Variants in SLC44A1 observed in about 807,000 individuals in gnomAD.
The protein encoded by SLC44A1 is solute carrier family 44 member 1.
SLC44A1 carries 26 observed loss-of-function variants against 79.3 expected under a neutral mutation model. That is an observed-to-expected ratio of 0.33 (90% CI 0.24 to 0.46). The LOEUF (loss-of-function observed/expected upper bound fraction) is 0.46. Among genes scored for constraint, SLC44A1 ranks in the 20% least tolerant of loss-of-function variants. The probability of loss-of-function intolerance (pLI) is 1.00; values close to 1 mark genes in which losing one functional copy is unlikely to be tolerated. For missense variants in SLC44A1, 688 were observed against 798.1 expected (o/e 0.86, Z 1.66); for synonymous variants, 263 against 286.2 (o/e 0.92, Z 0.82).
In SLC44A1 at chr9:105,395,246, G is replaced by A. The variant is rs1828852863; in HGVS notation, c.*6190G>A. The A allele has an allele frequency of 3.2e-6, 3 of 945,106 alleles. No individual in the cohort carries two copies. Among genetic ancestry groups the A allele is most frequent in the Non-Finnish European group, 3.8e-6 (3 of 793,564 alleles). 58.5% of individuals were successfully genotyped at this position (945,106 alleles called of 1,614,324 possible). On this transcript the variant is annotated 3_prime_UTR_variant, in exon 16 of 16. Transcript: ENST00000374720. Reference sequence around the variant, plus strand: ...GTTTTTGGTGTTTTTTTGAGACGGAGTCTCGCTCTATCGCCAGCTTAGAGT... The same window carrying A: ...GTTTTTGGTGTTTTTTTGAGACGGAATCTCGCTCTATCGCCAGCTTAGAGT...
chr9:105,403,575 C>T (rs1828985573), intron 15 of SLC44A1, among the ~76,000 whole-genome samples: 1 of 150,262 alleles, frequency 6.7e-6, no homozygotes, highest in African/African-American at 2.5e-5. Context: ...GAATAAGAGA[C>T]CCAGCCTCTG....
At chr9:105,330,844 C>T (rs1259193258) in intron 3 of SLC44A1, among the ~76,000 whole-genome samples, 1 of 152,222 alleles carries the variant, frequency 6.6e-6, no homozygotes, top group Admixed American at 6.5e-5. Context: ...TACCAGCTGT[C>T]CTCTGTAATG....
rs1564050042 is a variant in SLC44A1, at chr9:105,394,693, G to A, written c.*5637G>A. ...AACATGTCCAGTTCCAACAACAGTT[G>A]AAGATGATGATAAATTAGCAAACTC... On this transcript the variant is annotated 3_prime_UTR_variant, in exon 16 of 16. Coordinates refer to ENST00000374720, the MANE Select transcript of SLC44A1 (RefSeq NM_080546.5). 1 of 985,272 alleles carries A rather than the reference G, an allele frequency of 1.0e-6. No homozygotes were observed. The highest frequency in any genetic ancestry group is 1.2e-6 in the Non-Finnish European group (1 of 829,926). The allele number at this position is 985,272 out of a possible 1,614,324, so 61.0% of individuals were successfully genotyped here.
chr9:105,373,198 G>T (rs1828167776), intron 12 of SLC44A1, among the ~76,000 whole-genome samples: 1 of 152,154 alleles, frequency 6.6e-6, no homozygotes, highest in African/African-American at 2.4e-5. Flanking sequence ...ACAGTATAAA[G>T]TAAGCCCTTT....
intron 1 of SLC44A1, among the ~76,000 whole-genome samples, chr9:105,264,204 C>G (rs563679113): frequency 6.6e-6 from 1 of 152,192 alleles, no homozygotes; most frequent in African/African-American, 2.4e-5. Flanking sequence ...TACTCTGTCA[C>G]CCAGGCTGGA....
At chr9:105,309,955 A>T (rs1401331588) in intron 3 of SLC44A1, 89 bp downstream of exon 3, 2 of 1,302,308 alleles carry the variant, frequency 1.5e-6, no homozygotes, top group African/African-American at 3.0e-5. Context: ...TAAAGATAAT[A>T]TCTTACCAAA....
intron 15 of SLC44A1, among the ~76,000 whole-genome samples, chr9:105,430,762 G>T: frequency 6.6e-6 from 1 of 152,106 alleles, no homozygotes; most frequent in East Asian, 1.9e-4. Context: ...GCGGACATAC[G>T]TTTTCAATTT....
chr9:105,278,075 T>C (rs2131245857), intron 1 of SLC44A1, among the ~76,000 whole-genome samples: 1 of 152,168 alleles, frequency 6.6e-6, no homozygotes, highest in Non-Finnish European at 1.5e-5. Context: ...TCTTTTTTTT[T>C]TTTTAAGACA....
At position 105,309,820 on chromosome 9, in the gene SLC44A1, A is replaced by C. The variant is rs368046201; in HGVS notation, c.223A>C (p.Lys75Gln). 8.7e-6 allele frequency: 14 copies of C among 1,613,912 alleles called. No individual in the cohort carries two copies. The highest frequency in any genetic ancestry group is 1.7e-4 in the Middle Eastern group (1 of 6,060). The change falls in exon 3 of 16, where the codon AAG becomes CAG. Residue 75 changes from lysine to glutamine, a missense_variant. Lys to Gln is a moderately conservative substitution (Grantham distance 53). Coordinates refer to ENST00000374720, the MANE Select transcript of SLC44A1 (RefSeq NM_080546.5). Reference sequence around the variant, plus strand: ...AAATATCTGTGGGCAGAAAAATACAAAGTTGGAAGCAATACCAAACAGTGG... The same window carrying C: ...AAATATCTGTGGGCAGAAAAATACACAGTTGGAAGCAATACCAAACAGTGG... ...YGNICGQKNTKLEAIPNSGMD... is the reference protein window; with the variant it reads ...YGNICGQKNTQLEAIPNSGMD...
At chr9:105,381,696 A>G (rs757772517) in intron 13 of SLC44A1, among the ~76,000 whole-genome samples, 7 of 152,262 alleles carry the variant, frequency 4.6e-5, no homozygotes, top group African/African-American at 1.7e-4. Flanking sequence ...GAGAAGATTC[A>G]TAAGTGTGTT....
rs1471151637 is a variant in SLC44A1, at chr9:105,362,950, G to T, written c.1030G>T (p.Ala344Ser). ...LVFQPFWTFF[A>S]LVLFWVYWIM... ...CTTCCAACCCTTCTGGACTTTCTTT[G>T]CTCTTGTCTTGTTTTGGGTGTACTG... The change falls in exon 9 of 16, where the codon GCT (alanine) becomes TCT (serine). Residue 344 changes from alanine (A) to serine (S), a missense_variant. Physicochemically the swap from Ala to Ser is moderately conservative, Grantham distance 99 (BLOSUM62 1). Transcript: ENST00000374720. 1.2e-6 allele frequency: 2 copies of T among 1,613,650 alleles called. No homozygotes were observed. The highest frequency in any genetic ancestry group is 1.7e-6 in the Non-Finnish European group (2 of 1,179,896).
intron 6 of SLC44A1, among the ~76,000 whole-genome samples, chr9:105,356,836 CA>C (rs2131400302): frequency 6.6e-6 from 1 of 152,072 alleles, no homozygotes; most frequent in African/African-American, 2.4e-5. Context: ...TGCATAGTAT[CA>C]GTGTATTGCT....
At position 105,393,929 on chromosome 9, in the gene SLC44A1, A is replaced by G. The variant is rs7039997; in HGVS notation, c.*4873A>G. On this transcript the variant is annotated 3_prime_UTR_variant, in exon 16 of 16. Coordinates refer to ENST00000374720, the MANE Select transcript of SLC44A1 (RefSeq NM_080546.5). ...GAACATGGAAACATTGTAATTTACA[A>G]ATGTCTCAGAAATTTCTCACTTTTA... 2.8e-3 allele frequency: 2,730 copies of G among 984,392 alleles called. 51 individuals carry two copies. In the African/African-American group the frequency reaches 0.044, roughly 16 times the overall value. The allele number at this position is 984,392 out of a possible 1,614,324, so 61.0% of individuals were successfully genotyped here.
intron 1 of SLC44A1, among the ~76,000 whole-genome samples, chr9:105,276,614 G>GTGTGTA (rs1554785753): frequency 1.5e-5 from 2 of 136,046 alleles, no homozygotes; most frequent in African/African-American, 6.1e-5. Flanking sequence ...GTGTGTGTGT[G>GTGTGTA]TGTGTATGTG....
At chr9:105,322,245 A>T (rs550559152) in intron 3 of SLC44A1, among the ~76,000 whole-genome samples, 2 of 152,202 alleles carry the variant, frequency 1.3e-5, no homozygotes, top group African/African-American at 4.8e-5. Context: ...CATGGGTTGG[A>T]TATAAGACAA....
chr9:105,421,671 T>C (rs1298264927), intron 15 of SLC44A1, among the ~76,000 whole-genome samples: 2 of 148,858 alleles, frequency 1.3e-5, no homozygotes, highest in Non-Finnish European at 3.0e-5. Flanking sequence ...CACTGCAAGC[T>C]CCGCTTCCTG....
Position 105,327,722 on chromosome 9 carries a change from C to A in SLC44A1, c.270-7841C>A, listed in dbSNP as rs186853110. On this transcript the variant is annotated intron_variant, in intron 3 of 15. Transcript: ENST00000374720. ...CTGCGCTGTTCCTACCCCCTTTCAT[C>A]CACACTGGTTAACTCTTACTCATTC... is the stretch of plus-strand genomic sequence containing the variant. 4.9e-4 allele frequency among the ~76,000 whole-genome samples: 74 copies of A among 152,302 alleles called. No individual in the cohort carries two copies. The East Asian group carries it at 0.011, about 23-fold the overall frequency.
rs1240159479 is a variant in SLC44A1 at position 105,394,766 on chromosome 9, G to A, written c.*5710G>A. The A allele has an allele frequency of 2.0e-6, 2 of 985,402 alleles. No individual in the cohort carries two copies. The highest frequency in any genetic ancestry group is 2.3e-4 in the East Asian group (2 of 8,820). The allele number at this position is 985,402 out of a possible 1,614,324, so 61.0% of individuals were successfully genotyped here. ...AAAATAAATTTGGTAGAAAGTTGGA[G>A]GAGCAGATGCTGAAGGTAGAAATGC... On this transcript the variant is annotated 3_prime_UTR_variant, in exon 16 of 16. Transcript: ENST00000374720.
rs764906402 is a variant in SLC44A1 at position 105,374,600 on chromosome 9, T to C, written c.1497T>C (p.Asn499=). 6.2e-7 allele frequency: 1 copy of C among 1,610,388 alleles called. No homozygotes were observed. The highest frequency in any genetic ancestry group is 8.5e-7 in the Non-Finnish European group (1 of 1,179,078). Reference sequence around the variant, plus strand: ...ATGTTGTTTTTGCTTTTGTCCAGAATGCATACACAGCCACAGCTATCAACA... The same window carrying C: ...ATGTTGTTTTTGCTTTTGTCCAGAACGCATACACAGCCACAGCTATCAACA... ...LEKCLNYLNQ[N]AYTATAINST... Residue 499 remains asparagine, a splice_region_variant and synonymous_variant, in exon 13 of 16, where the codon AAT becomes AAC. Coordinates refer to ENST00000374720, the MANE Select transcript of SLC44A1 (RefSeq NM_080546.5).
Sources: allele counts gnomAD v4.1 joint callset (sites outside exome capture counted in the v4.1 genomes callset), GRCh38; gene constraint gnomAD v4.1.1; transcripts MANE v1.5; gene names NCBI Gene and HGNC (gene_info 2026-07-23, HGNC 2026-07-21).